Variants in CHD1L observed in about 807,000 individuals in gnomAD.
The protein encoded by CHD1L is ATP-dependent chromatin remodeler CHD1L.
A neutral mutation model predicts 115.9 loss-of-function variants in CHD1L; 118 were observed. The ratio of observed to expected loss-of-function variants is 1.02; its 90% CI spans 0.88 to 1.19. The LOEUF (loss-of-function observed/expected upper bound fraction) is 1.19, where lower values mean the gene tolerates loss of function less well. Among genes scored for constraint, CHD1L ranks in the 50% most tolerant of loss-of-function variants. CHD1L has a pLI of 0.00. For missense variants in CHD1L, 1,179 were observed against 1,065.3 expected (o/e 1.11, Z -1.49); for synonymous variants, 411 against 387.1 (o/e 1.06, Z -0.72).
chr1:147,227,820 A>C, the CHD1L span, among the ~76,000 whole-genome samples: 1 of 152,200 alleles, frequency 6.6e-6, no homozygotes, highest in Non-Finnish European at 1.5e-5. Context: ...CAAACAATAC[A>C]GTCTCACCTC....
intron 12 of CHD1L, 95 bp from the exon 13 acceptor site, chr1:147,275,259 T>C: frequency 1.2e-6 from 1 of 854,778 alleles, no homozygotes; most frequent in Non-Finnish European, 2.0e-6. Context: ...TTGACTGATT[T>C]CAGTTTATCA....
At chr1:147,207,365 A>T in the CHD1L span, among the ~76,000 whole-genome samples, 1 of 152,294 alleles carries the variant, frequency 6.6e-6, no homozygotes, top group East Asian at 1.9e-4. Context: ...TTATTTTGCA[A>T]CTTTTCTGTA....
In CHD1L at chr1:147,272,100, G is replaced by A. The variant is rs587719814; in HGVS notation, c.1160-71G>A. The stretch of plus-strand genomic sequence containing the variant: ...GGACAAAATTGGCCTTTGGTTTTGG[G>A]CTTAATTTTTTATTCCCCAAAGACT... On this transcript the variant is annotated intron_variant, in intron 11 of 22. Transcript: ENST00000369258. 4.1e-5 allele frequency: 56 copies of A among 1,360,580 alleles called. No homozygotes were observed. The African/African-American group carries it at 4.4e-4, about 11-fold the overall frequency. 84.3% of individuals were successfully genotyped at this position (1,360,580 alleles called of 1,614,324 possible).
upstream of CHD1L, chr1:147,242,674 G>A: frequency 2.4e-6 from 3 of 1,264,326 alleles, no homozygotes; most frequent in Non-Finnish European, 3.0e-6. Flanking sequence ...TGCGCGCTTG[G>A]CCGCGCGGGG....
the CHD1L span, chr1:147,201,493 T>C: frequency 3.7e-6 from 6 of 1,612,758 alleles, no homozygotes; most frequent in East Asian, 1.3e-4. Flanking sequence ...GGTTGGATGC[T>C]GACTCAGAGC....
At chr1:147,229,440 C>T in the CHD1L span, among the ~76,000 whole-genome samples, 1 of 152,046 alleles carries the variant, frequency 6.6e-6, no homozygotes, top group African/African-American at 2.4e-5. Flanking sequence ...AGTCAGGTAG[C>T]GTGATGCCTC....
chr1:147,284,462 C>G lies in CHD1L; in HGVS notation c.1817C>G (p.Ala606Gly). 6.2e-7 allele frequency: 1 copy of G among 1,611,526 alleles called. No individual in the cohort carries two copies. The highest frequency in any genetic ancestry group is 1.1e-5 in the South Asian group (1 of 90,498). The change falls in exon 16 of 23, where the codon GCT (alanine) becomes GGT (glycine). Residue 606 changes from alanine (A) to glycine (G), a missense_variant. Ala to Gly is a moderately conservative substitution (Grantham distance 60, BLOSUM62 0). Transcript: ENST00000369258. ...CTTCAGAAAACCCTTTTGGAGAAAG[C>G]TAGTCAAGAGGGCCGATCACTCCGA... ...VNLQKTLLEKASQEGRSLRNK... is the reference protein window; with the variant it reads ...VNLQKTLLEKGSQEGRSLRNK...
intron 7 of CHD1L, among the ~76,000 whole-genome samples, chr1:147,264,874 G>A (rs1673281211): frequency 6.6e-6 from 1 of 152,100 alleles, no homozygotes; most frequent in Non-Finnish European, 1.5e-5. Flanking sequence ...TTTCCAACTT[G>A]TAATTTCTAT....
At chr1:147,179,403 C>T in the CHD1L span, 2 of 1,598,188 alleles carry the variant, frequency 1.3e-6, no homozygotes, top group Admixed American at 1.7e-5. Flanking sequence ...TGAATATCGT[C>T]ATAGCCAAGA....
chr1:147,242,791 C>T lies in CHD1L; in HGVS notation c.88C>T (p.Arg30Trp), dbSNP rs782676436. ...TACTGAGGGCCGAGCCGAGGCGGCG[C>T]GGGTGCAGGAGCAGGACTTACGGCA... ...LHTEGRAEAA[R>W]VQEQDLRQWG... The change falls in exon 1 of 23, where the codon CGG (arginine) becomes TGG (tryptophan). Residue 30 changes from arginine (R) to tryptophan (W), a missense_variant. By Grantham distance (101) the Arg-to-Trp change is moderately radical. Transcript: ENST00000369258. The T allele has an allele frequency of 7.8e-6, 10 of 1,274,058 alleles. No individual in the cohort carries two copies. In the East Asian group the frequency reaches 1.5e-4, roughly 19 times the overall value. The allele number at this position is 1,274,058 out of a possible 1,614,324, so 78.9% of individuals were successfully genotyped here.
At position 147,272,216 on chromosome 1, in the gene CHD1L, G is replaced by A. The variant is rs1443709118; in HGVS notation, c.1205G>A (p.Arg402Lys). The A allele has an allele frequency of 1.9e-6, 3 of 1,614,156 alleles. No homozygotes were observed. The highest frequency in any genetic ancestry group is 2.5e-6 in the Non-Finnish European group (3 of 1,180,002). ...RVDGSVRGEERHLAIKNFGQQ... is the reference protein window; with the variant it reads ...RVDGSVRGEEKHLAIKNFGQQ... ...GATGGTTCTGTGAGAGGAGAAGAGAGACACTTGGCCATTAAGAACTTTGGA... is the reference window on the plus strand; with the variant it reads ...GATGGTTCTGTGAGAGGAGAAGAGAAACACTTGGCCATTAAGAACTTTGGA... Residue 402 changes from arginine (R) to lysine (K), a missense_variant, in exon 12 of 23, where the codon AGA (arginine) becomes AAA (lysine). Physicochemically the swap from Arg to Lys is conservative, Grantham distance 26. Coordinates refer to ENST00000369258, the MANE Select transcript of CHD1L (RefSeq NM_004284.6).
chr1:147,277,986 C>T (rs1553959125), intron 14 of CHD1L, among the ~76,000 whole-genome samples: 1 of 152,088 alleles, frequency 6.6e-6, no homozygotes. Context: ...AGACATACCT[C>T]CACCCCATGG....
chr1:147,292,850 C>T (rs1686076167), intron 20 of CHD1L, among the ~76,000 whole-genome samples: 1 of 152,170 alleles, frequency 6.6e-6, no homozygotes, highest in South Asian at 2.1e-4. Flanking sequence ...GATCCAATAC[C>T]TCCCACTAGG....
At chr1:147,271,773 G>C (rs1483007684) in intron 11 of CHD1L, among the ~76,000 whole-genome samples, 1 of 152,190 alleles carries the variant, frequency 6.6e-6, no homozygotes, top group Non-Finnish European at 1.5e-5. Flanking sequence ...CTGAAAGGCA[G>C]ATTGCTGGAC....
the CHD1L span, chr1:147,187,014 C>T: frequency 6.2e-7 from 1 of 1,614,112 alleles, no homozygotes; most frequent in Non-Finnish European, 8.5e-7. Flanking sequence ...TCAGAGGCTT[C>T]CTGATGCGAT....
the CHD1L span, among the ~76,000 whole-genome samples, chr1:147,197,798 G>A: frequency 6.6e-6 from 1 of 152,122 alleles, no homozygotes; most frequent in African/African-American, 2.4e-5. Flanking sequence ...TTCCTTGCTT[G>A]GCTCTGCATT....
the CHD1L span, chr1:147,187,216 T>C: frequency 6.2e-7 from 1 of 1,613,082 alleles, no homozygotes; most frequent in Non-Finnish European, 8.5e-7. Context: ...GTAGTCTCCC[T>C]GAATGGTATG....
intron 1 of CHD1L, among the ~76,000 whole-genome samples, chr1:147,246,212 GTCGTTGCACGTATCAGTAGT>G (rs1204597013): frequency 2.6e-5 from 4 of 152,132 alleles, no homozygotes; most frequent in African/African-American, 9.7e-5. Context: ...ATTCATCCAG[GTCGTTGCACGTATCAGTAGT>G]TTCTTTTTAT....
At chr1:147,244,726 A>G in intron 1 of CHD1L, among the ~76,000 whole-genome samples, 1 of 152,022 alleles carries the variant, frequency 6.6e-6, no homozygotes, top group African/African-American at 2.4e-5. Context: ...CTTCAACATC[A>G]TTCTTAATGG....
Sources: gnomAD v4.1 joint callset for allele counts (sites outside exome capture counted in the v4.1 genomes callset) on GRCh38, gnomAD v4.1.1 for gene constraint, MANE v1.5 for transcripts, NCBI Gene and HGNC (gene_info 2026-07-23, HGNC 2026-07-21) for gene names.